ADRA1B: variants seen among roughly 807,000 people sequenced by gnomAD.
The protein encoded by ADRA1B is adrenoceptor alpha 1B, also known as alpha-1B adrenergic receptor.
A neutral mutation model predicts 17.9 loss-of-function variants in ADRA1B; 17 were observed. The ratio of observed to expected loss-of-function variants is 0.95; its 90% CI spans 0.65 to 1.42. The LOEUF is 1.42. Among genes scored for constraint, ADRA1B ranks in the 40% most tolerant of loss-of-function variants. The pLI is 0.00. For missense variants in ADRA1B, 681 were observed against 722.1 expected (o/e 0.94, Z 0.65); for synonymous variants, 366 against 327.6 (o/e 1.12, Z -1.27).
rs1374183000 is a variant in ADRA1B, at chr5:159,972,131, A to G, written c.1202A>G (p.Gln401Arg). The change falls in exon 2 of 2, where the codon CAG becomes CGG. Residue 401 changes from glutamine to arginine, a missense_variant. Gln to Arg is a conservative substitution (Grantham distance 43, BLOSUM62 1). Transcript: ENST00000306675. Reference sequence around the variant, plus strand: ...CGCGGCGGCTCGCTGGAGCGCTCGCAGTCGCGCAAGGACTCGCTGGACGAC... The same window carrying G: ...CGCGGCGGCTCGCTGGAGCGCTCGCGGTCGCGCAAGGACTCGCTGGACGAC... The part of the protein sequence containing the change: ...WTRGGSLERS[Q>R]SRKDSLDDSG... 2 of 1,331,464 alleles carry G rather than the reference A, an allele frequency of 1.5e-6. No individual in the cohort carries two copies. The highest frequency in any genetic ancestry group is 3.1e-5 in the Admixed American group (1 of 32,216). The allele number at this position is 1,331,464 out of a possible 1,614,324, so 82.5% of individuals were successfully genotyped here. A position where few individuals can be genotyped will look rare whatever the true frequency, so the allele number is the denominator to read the frequency against.
At chr5:159,911,367 C>T (rs768290794) in intron 1 of ADRA1B, among the ~76,000 whole-genome samples, 10 of 152,218 alleles carry the variant, frequency 6.6e-5, no homozygotes, top group Non-Finnish European at 1.0e-4. Flanking sequence ...CTCTCTAGTT[C>T]AGAGACAGCA....
At chr5:159,887,318 T>C (rs922512618) in intron 1 of ADRA1B, among the ~76,000 whole-genome samples, 8 of 152,136 alleles carry the variant, frequency 5.3e-5, no homozygotes, top group Admixed American at 1.3e-4. Flanking sequence ...ACATGTGGAG[T>C]TGGAAAATAT....
At chr5:159,962,385 G>C (rs909508978) in intron 1 of ADRA1B, among the ~76,000 whole-genome samples, 5 of 132,728 alleles carry the variant, frequency 3.8e-5, no homozygotes, top group East Asian at 2.9e-4. Context: ...ATCTGTCTGA[G>C]TGGTGCTGCC....
At chr5:159,873,971 T>A (rs1369266750) in intron 1 of ADRA1B, among the ~76,000 whole-genome samples, 1 of 152,176 alleles carries the variant, frequency 6.6e-6, no homozygotes, top group Non-Finnish European at 1.5e-5. Flanking sequence ...TTTGTTTTTT[T>A]ATGCAGAGGG....
chr5:159,958,138 T>C (rs75848503), intron 1 of ADRA1B, among the ~76,000 whole-genome samples: 4,377 of 152,182 alleles, frequency 0.029, 206 homozygotes, highest in African/African-American at 0.099. Context: ...TTTCTTATTT[T>C]ATACTTATAA....
At chr5:159,940,268 A>G (rs13162302) in intron 1 of ADRA1B, among the ~76,000 whole-genome samples, 19,864 of 152,244 alleles carry the variant, frequency 0.13, 1,493 homozygotes, top group Non-Finnish European at 0.16. Flanking sequence ...AGGAAGAACC[A>G]TGGTGAGTCA....
At chr5:159,953,944 ACT>A (rs1156469968) in intron 1 of ADRA1B, among the ~76,000 whole-genome samples, 3 of 151,554 alleles carry the variant, frequency 2.0e-5, no homozygotes, top group Admixed American at 2.0e-4. Flanking sequence ...ACCATTCCCA[ACT>A]CTCTCTCCCC....
chr5:159,904,878 CA>C (rs1754142146), intron 1 of ADRA1B, among the ~76,000 whole-genome samples: 1 of 152,202 alleles, frequency 6.6e-6, no homozygotes, highest in African/African-American at 2.4e-5. Context: ...ATCTGCTAAT[CA>C]CTAGAATCTT....
At chr5:159,900,275 T>C (rs1297673890) in intron 1 of ADRA1B, among the ~76,000 whole-genome samples, 1 of 152,222 alleles carries the variant, frequency 6.6e-6, no homozygotes, top group Non-Finnish European at 1.5e-5. Flanking sequence ...CAAATTCCAG[T>C]GATATTTTCA....
intron 1 of ADRA1B, among the ~76,000 whole-genome samples, chr5:159,968,691 C>T (rs1755816499): frequency 1.3e-5 from 2 of 152,168 alleles, no homozygotes; most frequent in Admixed American, 1.3e-4. Context: ...CACACTCATC[C>T]CTGTGTAATG....
intron 1 of ADRA1B, chr5:159,867,096 C>T (rs1376337837): frequency 6.6e-6 from 1 of 152,198 alleles, no homozygotes; most frequent in South Asian, 2.1e-4. Context: ...CTCTGTTCAA[C>T]TGAATTTAAA....
rs139059311 is a variant in ADRA1B, at chr5:159,866,754, A to C, written c.-256+1548A>C. On this transcript the variant is annotated intron_variant, in intron 1 of 2. Coordinates refer to the ADRA1B transcript ENST00000641205. Reference sequence around the variant, plus strand: ...AACAGCTAGAAACTTCTGGGGCAAGAATTTTCTGCAAAGTCTAAGGTCTCC... The same window carrying C: ...AACAGCTAGAAACTTCTGGGGCAAGCATTTTCTGCAAAGTCTAAGGTCTCC... The C allele has an allele frequency of 5.2e-4, 79 of 152,278 alleles. 1 individual carries two copies. The East Asian group carries it at 0.014, about 28-fold the overall frequency. 9.4% of individuals were successfully genotyped at this position (152,278 alleles called of 1,614,324 possible).
chr5:159,900,367 C>T (rs1002141471), intron 1 of ADRA1B, among the ~76,000 whole-genome samples: 2 of 152,180 alleles, frequency 1.3e-5, no homozygotes, highest in Non-Finnish European at 2.9e-5. Flanking sequence ...TACATCTTTC[C>T]GTTTATTCAA....
At chr5:159,952,715 A>G (rs146922276) in intron 1 of ADRA1B, among the ~76,000 whole-genome samples, 1 of 152,346 alleles carries the variant, frequency 6.6e-6, no homozygotes, top group Non-Finnish European at 1.5e-5. Context: ...CTTGCCACCT[A>G]TAAGCTCTCT....
At chr5:159,901,401 G>A (rs1754098801) in intron 1 of ADRA1B, among the ~76,000 whole-genome samples, 1 of 120,766 alleles carries the variant, frequency 8.3e-6, no homozygotes, top group South Asian at 3.7e-4. Flanking sequence ...GGAGGAGGAG[G>A]AGGAAGGGGA....
intron 1 of ADRA1B, among the ~76,000 whole-genome samples, chr5:159,962,930 CTTTTCTTT>C (rs1375430965): frequency 7.0e-5 from 4 of 57,410 alleles, no homozygotes; most frequent in South Asian, 6.1e-4. Context: ...TTTTTCTTTT[CTTTTCTTT>C]TTTTTTTTTT....
chr5:159,933,663 G>A (rs1305258167), intron 1 of ADRA1B, among the ~76,000 whole-genome samples: 1 of 152,230 alleles, frequency 6.6e-6, no homozygotes. Context: ...GGAGACAACA[G>A]CCTCAGAATG....
intron 1 of ADRA1B, among the ~76,000 whole-genome samples, chr5:159,883,518 G>A (rs561865739): frequency 6.6e-6 from 1 of 152,186 alleles, no homozygotes; most frequent in Non-Finnish European, 1.5e-5. Context: ...ATTTAGCCTA[G>A]AGCAACAGTC....
Position 159,916,780 on chromosome 5 carries a change from C to G in ADRA1B, c.-126C>G. On this transcript the variant is annotated 5_prime_UTR_variant, in exon 1 of 2. Coordinates refer to ENST00000306675, the MANE Select transcript of ADRA1B (RefSeq NM_000679.4). ...CTGGGCTGCCCGGGGGAGATGACTCCTCGCCAGGAGGGCGCCTCTGGGAAG... is the reference window on the plus strand; with the variant it reads ...CTGGGCTGCCCGGGGGAGATGACTCGTCGCCAGGAGGGCGCCTCTGGGAAG... The G allele has an allele frequency of 1.1e-6, 1 of 943,600 alleles. No homozygotes were observed. The highest frequency in any genetic ancestry group is 1.6e-6 in the Non-Finnish European group (1 of 635,478). The allele number at this position is 943,600 out of a possible 1,614,324, so 58.5% of individuals were successfully genotyped here.
Sources: gnomAD v4.1 joint callset for allele counts (sites outside exome capture counted in the v4.1 genomes callset) on GRCh38, gnomAD v4.1.1 for gene constraint, MANE v1.5 for transcripts, NCBI Gene and HGNC (gene_info 2026-07-23, HGNC 2026-07-21) for gene names.